The following CROCC2 variants were observed in gnomAD, a reference collection of about 807,000 sequenced individuals.
The protein encoded by CROCC2 is ciliary rootlet coiled-coil protein 2.
CROCC2 carries 163 observed loss-of-function variants against 177.6 expected under a neutral mutation model. The ratio of observed to expected loss-of-function variants is 0.92; its 90% CI spans 0.81 to 1.05. The LOEUF (loss-of-function observed/expected upper bound fraction) is 1.05. Among genes scored for constraint, CROCC2 ranks in the 50% least tolerant of loss-of-function variants. The pLI is 0.00. For missense variants in CROCC2, 1,929 were observed against 1,797.8 expected, an observed-to-expected ratio of 1.07 and a Z score of -1.32; for synonymous variants, 904 against 787.3, an observed-to-expected ratio of 1.15 and a Z score of -2.48.
chr2:240,962,138 T>C (rs1286389996), intron 20 of CROCC2, among the ~76,000 whole-genome samples: 1 of 151,922 alleles, frequency 6.6e-6, no homozygotes, highest in East Asian at 1.9e-4. Flanking sequence ...CCCTCCTCCC[T>C]GCAGAGCTCT....
intron 1 of CROCC2, among the ~76,000 whole-genome samples, chr2:240,911,443 A>G (rs116669173): frequency 0.019 from 2,920 of 152,082 alleles, 85 homozygotes; most frequent in African/African-American, 0.065. Context: ...GACTACAGGC[A>G]CACGCCACCA....
chr2:240,911,098 T>C (rs2059284940), intron 1 of CROCC2, among the ~76,000 whole-genome samples: 2 of 152,000 alleles, frequency 1.3e-5, no homozygotes, highest in South Asian at 4.2e-4. Flanking sequence ...ACCACTGTAC[T>C]CCAGCCTGGG....
rs905181992 is a variant in CROCC2 at position 240,958,842 on chromosome 2, G to A, written c.2944-459G>A. The stretch of plus-strand genomic sequence containing the variant: ...GGTGGTATTTGTCCATGAACAAGGG[G>A]CCATGGGCTGAGCCTGGGGCCTCCT... On this transcript the variant is annotated intron_variant, in intron 19 of 31. Transcript: ENST00000690015. This position sits in a 1 kb window ranked among gnomAD's most constrained non-coding sequence, Gnocchi z 6.7. 3.9e-5 allele frequency among the ~76,000 whole-genome samples: 6 copies of A among 152,176 alleles called. No individual in the cohort carries two copies. The highest frequency in any genetic ancestry group is 1.4e-4 in the African/African-American group (6 of 41,468).
At position 240,934,996 on chromosome 2, in the gene CROCC2, C is replaced by A; in HGVS notation, c.1872C>A (p.Ala624=). The change falls in exon 13 of 32, where the codon GCC becomes GCA. Residue 624 remains alanine, a synonymous_variant. Transcript: ENST00000690015. ...SEGVEQRDSL[A]AMAALMEGLA... The stretch of plus-strand genomic sequence containing the variant: ...GAGTGGAGCAAAGGGACTCCCTGGC[C>A]GCAATGGCCGCCTTGATGGAGGGGT... 1.4e-6 allele frequency: 2 copies of A among 1,446,574 alleles called. No homozygotes were observed. Among genetic ancestry groups the A allele is most frequent in the African/African-American group, 2.9e-5 (2 of 68,014 alleles). The allele number at this position is 1,446,574 out of a possible 1,614,324, so 89.6% of individuals were successfully genotyped here. A position where few individuals can be genotyped will look rare whatever the true frequency, so the allele number is the denominator to read the frequency against.
At chr2:240,920,210 G>A (rs758765591) in intron 3 of CROCC2, 76 bp downstream of exon 3, 26 of 597,064 alleles carry the variant, frequency 4.4e-5, no homozygotes, top group African/African-American at 7.5e-5. Context: ...TTGTCGGGAC[G>A]GCAGTCAGAG....
intron 20 of CROCC2, among the ~76,000 whole-genome samples, chr2:240,962,014 A>C (rs998503875): frequency 2.3e-4 from 5 of 21,374 alleles, no homozygotes; most frequent in East Asian, 1.2e-3. Context: ...CATCACCCAC[A>C]CACACACACA....
At chr2:240,933,921 A>G (rs2059450343) in intron 11 of CROCC2, 69 bp downstream of exon 11, 1 of 1,478,340 alleles carries the variant, frequency 6.8e-7, no homozygotes, top group African/African-American at 1.4e-5. Context: ...ACCATCAGCC[A>G]CTTGGCCTTG....
intron 5 of CROCC2, 38 bp from the exon 6 acceptor site, chr2:240,930,127 GC>G: frequency 1.9e-6 from 1 of 534,294 alleles, no homozygotes; most frequent in Non-Finnish European, 3.4e-6. Flanking sequence ...GGGTAAAGGG[GC>G]CCCAGCCTGA....
chr2:240,920,177 C>G (rs979799065), intron 3 of CROCC2, 43 bp downstream of exon 3: 11 of 611,686 alleles, frequency 1.8e-5, no homozygotes, highest in South Asian at 5.6e-5. Context: ...GAGGTGGCAG[C>G]CTGGCCCTTC....
chr2:240,934,277 G>A (rs2106462287), intron 11 of CROCC2, 54 bp from the exon 12 acceptor site: 1 of 1,530,294 alleles, frequency 6.5e-7, no homozygotes, highest in Non-Finnish European at 8.8e-7. Flanking sequence ...AAATCCCATG[G>A]GGCAGCCACT....
intron 4 of CROCC2, among the ~76,000 whole-genome samples, chr2:240,923,403 C>T (rs1243613827): frequency 6.6e-6 from 1 of 151,704 alleles, no homozygotes; most frequent in Non-Finnish European, 1.5e-5. Context: ...CATGCCTGGG[C>T]TTATCAAGGG....
chr2:240,937,697 G>T (rs562021283), intron 14 of CROCC2, among the ~76,000 whole-genome samples: 5 of 152,180 alleles, frequency 3.3e-5, no homozygotes, highest in Non-Finnish European at 7.4e-5. Flanking sequence ...GACAGCAGGG[G>T]TTCTCCACGT....
At chr2:240,990,640 T>C (rs928904191) in intron 30 of CROCC2, among the ~76,000 whole-genome samples, 7 of 152,232 alleles carry the variant, frequency 4.6e-5, no homozygotes, top group South Asian at 2.1e-4. Context: ...TGGTGTGCAG[T>C]GGCGCGATCT....
chr2:240,967,964 G>A (rs1333237422), intron 26 of CROCC2, among the ~76,000 whole-genome samples, 165 bp from the exon 27 acceptor site: 1 of 152,062 alleles, frequency 6.6e-6, no homozygotes, highest in Non-Finnish European at 1.5e-5. Flanking sequence ...GGAAGGATGG[G>A]TGGGAAGCCG....
At chr2:240,912,171 C>T (rs554838295) in intron 1 of CROCC2, among the ~76,000 whole-genome samples, 182 of 152,316 alleles carry the variant, frequency 1.2e-3, no homozygotes, top group African/African-American at 2.5e-3. Flanking sequence ...TGTTGTTACT[C>T]ATACCACTTT....
At chr2:240,947,544 G>A (rs1215202550) in intron 15 of CROCC2, among the ~76,000 whole-genome samples, 1 of 152,240 alleles carries the variant, frequency 6.6e-6, no homozygotes, top group Admixed American at 6.5e-5. Flanking sequence ...AGCCACGTCT[G>A]CCCGGACACA....
intron 18 of CROCC2, 122 bp downstream of exon 18, chr2:240,950,632 C>A: frequency 1.1e-6 from 1 of 897,084 alleles, no homozygotes; most frequent in Non-Finnish European, 1.7e-6. Context: ...CCCACCCATC[C>A]ATCCATCCAT....
In CROCC2 at chr2:240,982,579, C is replaced by T; in HGVS notation, c.4402-301C>T. On this transcript the variant is annotated intron_variant, in intron 27 of 31. Coordinates refer to ENST00000690015, the MANE Select transcript of CROCC2 (RefSeq NM_001351305.2). The surrounding 1 kb of genome is among the most constrained non-coding windows in gnomAD (Gnocchi z 4.7). ...GCAGGGCAGGGATGCCACTGATGTG[C>T]CCTCTGAGACCACTGGCTGCAGCAG... The T allele has an allele frequency of 7.5e-6, 2 of 266,480 alleles. No individual in the cohort carries two copies. The highest frequency in any genetic ancestry group is 1.4e-5 in the Non-Finnish European group (2 of 142,466). The allele number at this position is 266,480 out of a possible 1,614,324, so 16.5% of individuals were successfully genotyped here.
chr2:240,970,072 C>T (rs988265819), intron 27 of CROCC2, among the ~76,000 whole-genome samples: 3 of 152,176 alleles, frequency 2.0e-5, no homozygotes, highest in African/African-American at 7.2e-5. Context: ...ATGCATTATT[C>T]AAATAGGCCA....
Sources: allele counts gnomAD v4.1 joint callset (sites outside exome capture counted in the v4.1 genomes callset), GRCh38; gene constraint gnomAD v4.1.1; non-coding constraint Gnocchi (gnomAD v3.1); transcripts MANE v1.5; gene names NCBI Gene and HGNC (gene_info 2026-07-23, HGNC 2026-07-21).